Variants in EFCAB5 observed in about 807,000 individuals in gnomAD.
EFCAB5 encodes EF-hand calcium-binding domain-containing protein 5.
A neutral mutation model predicts 167.9 loss-of-function variants in EFCAB5; 131 were observed. The ratio of observed to expected loss-of-function variants is 0.78; its 90% CI spans 0.68 to 0.90. EFCAB5 has a LOEUF of 0.90. Ranked by LOEUF, EFCAB5 falls within the 40% of genes least tolerant of loss-of-function variation. The pLI is 0.00. For missense variants in EFCAB5, 1,663 were observed against 1,745.2 expected, an observed-to-expected ratio of 0.95 and a Z score of 0.84; for synonymous variants, 574 against 602.8, an observed-to-expected ratio of 0.95 and a Z score of 0.70.
At chr17:29,982,964 C>G (rs1370616168) in intron 4 of EFCAB5, among the ~76,000 whole-genome samples, 1 of 152,198 alleles carries the variant, frequency 6.6e-6, no homozygotes, top group African/African-American at 2.4e-5. Context: ...TCTCGAAACA[C>G]TCATTCATAT....
At chr17:29,993,058 G>A (rs1274055418) in intron 4 of EFCAB5, 107 bp from the exon 5 acceptor site, 23 of 1,189,292 alleles carry the variant, frequency 1.9e-5, no homozygotes, top group Non-Finnish European at 2.6e-5. Context: ...ATTTTATGGA[G>A]AAAAGACAGG....
chr17:29,963,410 TC>T (rs760148297), intron 3 of EFCAB5, among the ~76,000 whole-genome samples: 15 of 152,366 alleles, frequency 9.8e-5, no homozygotes, highest in South Asian at 2.1e-4. Flanking sequence ...TGGAAAGATT[TC>T]ATGTTGAAAA....
intron 19 of EFCAB5, among the ~76,000 whole-genome samples, chr17:30,088,088 G>A (rs1479245397): frequency 1.3e-5 from 2 of 152,172 alleles, no homozygotes; most frequent in African/African-American, 4.8e-5. Context: ...TCTGCAGAAT[G>A]TTGTCTGCCT....
intron 14 of EFCAB5, among the ~76,000 whole-genome samples, chr17:30,075,336 AC>A (rs1216367286): frequency 6.6e-6 from 1 of 151,792 alleles, no homozygotes; most frequent in African/African-American, 2.4e-5. Context: ...TCAACAGATC[AC>A]CCCCTCCAAG....
chr17:30,066,009 C>T (rs2070559465), intron 14 of EFCAB5, among the ~76,000 whole-genome samples: 1 of 152,196 alleles, frequency 6.6e-6, no homozygotes, highest in Admixed American at 6.5e-5. Context: ...TAGTTGGGGA[C>T]TTCAACACCT....
chr17:30,075,057 A>G (rs1207004187), intron 14 of EFCAB5, among the ~76,000 whole-genome samples: 1 of 152,142 alleles, frequency 6.6e-6, no homozygotes, highest in Non-Finnish European at 1.5e-5. Flanking sequence ...TTCCAAGTCT[A>G]ATCCAACACA....
At chr17:30,102,979 GA>G (rs1431803150) in intron 22 of EFCAB5, among the ~76,000 whole-genome samples, 1 of 151,624 alleles carries the variant, frequency 6.6e-6, no homozygotes, top group African/African-American at 2.4e-5. Context: ...GCTGACACTA[GA>G]GGCCCACACC....
intron 7 of EFCAB5, among the ~76,000 whole-genome samples, chr17:30,024,876 GC>G (rs1270550669): frequency 2.1e-4 from 32 of 149,950 alleles, no homozygotes; most frequent in Admixed American, 3.3e-4. Flanking sequence ...CAGAAATAAC[GC>G]CGCATATCTA....
chr17:30,083,005 T>A lies in EFCAB5; in HGVS notation c.3541T>A (p.Ser1181Thr). ...WLYDVTSSIT[S>T]ITTYFVEPSP... Reference sequence around the variant, plus strand: ...TTATGACGTCACATCCAGCATCACCTCCATCACTACGTACTTTGTAGAGCC... The same window carrying A: ...TTATGACGTCACATCCAGCATCACCACCATCACTACGTACTTTGTAGAGCC... The change falls in exon 18 of 23, where the codon TCC becomes ACC. Residue 1181 changes from serine to threonine, a missense_variant. Physicochemically the swap from Ser to Thr is moderately conservative, Grantham distance 58. Transcript: ENST00000394835. 1 of 1,614,002 alleles carries A rather than the reference T, an allele frequency of 6.2e-7. No individual in the cohort carries two copies. The highest frequency in any genetic ancestry group is 1.1e-5 in the South Asian group (1 of 91,082).
intron 22 of EFCAB5, among the ~76,000 whole-genome samples, chr17:30,093,822 G>A (rs2071245828): frequency 6.6e-6 from 1 of 152,174 alleles, no homozygotes; most frequent in Admixed American, 6.5e-5. Context: ...AAGAAAGTTC[G>A]TAGGTCACCC....
rs555568745 is a variant in EFCAB5, at chr17:30,033,082, C to CTT, written c.1045-1135_1045-1134dup. 6.5e-3 allele frequency among the ~76,000 whole-genome samples: 938 copies of CTT among 144,848 alleles called. 8 individuals are homozygous for CTT. The highest frequency in any genetic ancestry group is 0.022 in the African/African-American group (894 of 39,756). ...TCATCGGCTGTGAGCTGAGCTCACA[C>CTT]TTTTTTTTTTTTTTGAGACGGAGTC... On this transcript the variant is annotated intron_variant, in intron 7 of 22. Coordinates refer to ENST00000394835, the MANE Select transcript of EFCAB5 (RefSeq NM_198529.4).
chr17:29,941,690 C>G lies in EFCAB5; in HGVS notation c.-107C>G. On this transcript the variant is annotated 5_prime_UTR_variant, in exon 1 of 23. Transcript: ENST00000394835. ...GGCAGGAGTGAGGGAGCTTTTTTAA[C>G]TTCTGGAGTACTTTGTGATGTTTAT... is the stretch of plus-strand genomic sequence containing the variant. 1 of 1,008,628 alleles carries G rather than the reference C, an allele frequency of 9.9e-7. No individual in the cohort carries two copies. The highest frequency in any genetic ancestry group is 1.5e-6 in the Non-Finnish European group (1 of 687,154). 62.5% of individuals were successfully genotyped at this position (1,008,628 alleles called of 1,614,324 possible).
At chr17:30,046,029 G>A (rs1199741978) in intron 8 of EFCAB5, among the ~76,000 whole-genome samples, 1 of 152,010 alleles carries the variant, frequency 6.6e-6, no homozygotes, top group Non-Finnish European at 1.5e-5. Context: ...GCAACAGTGT[G>A]AAACCTTGTC....
chr17:30,067,166 C>T (rs1470272153), intron 14 of EFCAB5, among the ~76,000 whole-genome samples: 1 of 152,118 alleles, frequency 6.6e-6, no homozygotes, highest in Non-Finnish European at 1.5e-5. Flanking sequence ...TCTATGAGGC[C>T]AGCATTATGC....
chr17:29,960,495 G>A (rs1255241152), intron 3 of EFCAB5, among the ~76,000 whole-genome samples: 1 of 152,062 alleles, frequency 6.6e-6, no homozygotes, highest in Non-Finnish European at 1.5e-5. Flanking sequence ...TGTTACATAG[G>A]TAAACATGTG....
At chr17:30,056,856 C>T (rs1195154291) in intron 12 of EFCAB5, among the ~76,000 whole-genome samples, 2 of 152,132 alleles carry the variant, frequency 1.3e-5, no homozygotes, top group Admixed American at 1.3e-4. Flanking sequence ...TTGCAGCCTG[C>T]TAGTTCATGT....
At chr17:29,936,294 T>C (rs1044323237) in intron 1 of EFCAB5, among the ~76,000 whole-genome samples, 5 of 150,730 alleles carry the variant, frequency 3.3e-5, no homozygotes, top group African/African-American at 9.8e-5. Flanking sequence ...TATCACACAC[T>C]GGGGCCTGTC....
At chr17:30,081,035 CT>C in intron 17 of EFCAB5, 54 bp downstream of exon 17, 1 of 1,406,118 alleles carries the variant, frequency 7.1e-7, no homozygotes. Flanking sequence ...CTTTCTAATA[CT>C]TTTTAAAGAG....
chr17:29,950,571 G>T (rs745569171), intron 3 of EFCAB5: 2 of 151,844 alleles, frequency 1.3e-5, no homozygotes. Flanking sequence ...ACTGGGTCTT[G>T]CTATGTTGCC....
Sources: allele counts gnomAD v4.1 joint callset (sites outside exome capture counted in the v4.1 genomes callset), GRCh38; gene constraint gnomAD v4.1.1; transcripts MANE v1.5; gene names NCBI Gene and HGNC (gene_info 2026-07-23, HGNC 2026-07-21).